Variants in ZNF28 observed in about 807,000 individuals in gnomAD.
ZNF28 encodes zinc finger protein KOX24.
A neutral mutation model predicts 7.2 loss-of-function variants in ZNF28; 5 were observed. The ratio of observed to expected loss-of-function variants is 0.70; its 90% CI spans 0.36 to 1.46. The LOEUF is 1.46. Among genes scored for constraint, ZNF28 ranks in the 40% most tolerant of loss-of-function variants. The pLI is 0.03. For missense variants in ZNF28, 879 were observed against 866.6 expected, an observed-to-expected ratio of 1.01 and a Z score of -0.18; for synonymous variants, 288 against 292.4, an observed-to-expected ratio of 0.99 and a Z score of 0.15.
chr19:52,807,439 G>C (rs755190432), intron 3 of ZNF28, among the ~76,000 whole-genome samples: 2 of 152,106 alleles, frequency 1.3e-5, no homozygotes, highest in Non-Finnish European at 2.9e-5. Context: ...AGCAAACAGG[G>C]AACTGGATAT....
chr19:52,805,834 G>A (rs11666498), intron 3 of ZNF28: 64,902 of 151,494 alleles, frequency 0.43, 15,789 homozygotes, highest in Non-Finnish European at 0.57. Context: ...TACAAAATTA[G>A]ATGGGTGTGG....
chr19:52,799,804 G>T lies in ZNF28; in HGVS notation c.2041C>A (p.His681Asn). The change falls in exon 4 of 4, where the codon CAT (histidine) becomes AAT (asparagine). Residue 681 changes from histidine to asparagine, a missense_variant. His to Asn is a moderately conservative substitution (Grantham distance 68). Coordinates refer to ENST00000457749, the MANE Select transcript of ZNF28 (RefSeq NM_006969.5). ...VFNQQAHLAQHQRVHTGEKPY... is the reference protein window; with the variant it reads ...VFNQQAHLAQNQRVHTGEKPY... Reference sequence around the variant, plus strand: ...TTCTCTCCAGTATGAACTCTCTGATGCTGTGCAAGGTGTGCTTGTTGATTA... The same window carrying T: ...TTCTCTCCAGTATGAACTCTCTGATTCTGTGCAAGGTGTGCTTGTTGATTA... 6.2e-7 allele frequency: 1 copy of T among 1,614,094 alleles called. No individual in the cohort carries two copies. Among genetic ancestry groups the T allele is most frequent in the Non-Finnish European group, 8.5e-7 (1 of 1,180,010 alleles).
chr19:52,799,983 G>T lies in ZNF28; in HGVS notation c.1862C>A (p.Ser621Ter), dbSNP rs781337692. The T allele has an allele frequency of 3.1e-6, 5 of 1,609,032 alleles. No homozygotes were observed. The highest frequency in any genetic ancestry group is 4.2e-6 in the Non-Finnish European group (5 of 1,178,472). The change falls in exon 4 of 4, where the codon TCG (serine) becomes TAG (stop). Residue 621 changes from serine (S) to a stop codon, truncating the protein, a stop_gained. Transcript: ENST00000457749. LOFTEE classifies it low-confidence loss of function (END_TRUNC). ...ECGKTFRQTS[S>*]LIIHRRLHTG... is the part of the protein sequence containing the mutation. ...ATGAAGCCTACGATGGATTATAAGC[G>T]ATGATGTCTGACGGAAGGTCTTGCC...
chr19:52,807,824 T>A (rs2062955393), intron 3 of ZNF28, 183 bp downstream of exon 3: 1 of 1,041,824 alleles, frequency 9.6e-7, no homozygotes, highest in South Asian at 1.6e-5. Context: ...CACTGAGCTA[T>A]CATGAAGAAT....
At chr19:52,810,754 G>GC in intron 2 of ZNF28, 2 of 533,230 alleles carry the variant, frequency 3.8e-6, no homozygotes, top group Non-Finnish European at 3.2e-6. Context: ...GGAAAGAAGG[G>GC]GAAAAAAAAA....
intron 3 of ZNF28, among the ~76,000 whole-genome samples, chr19:52,806,198 T>C (rs1020677397): frequency 2.6e-5 from 4 of 152,140 alleles, no homozygotes; most frequent in African/African-American, 9.7e-5. Context: ...ACAGAATTTT[T>C]TTTTTCTTCT....
Position 52,808,127 on chromosome 19 carries a change from A to G in ZNF28, c.22T>C (p.Leu8=), listed in dbSNP as rs777375686. 4 of 1,613,126 alleles carry G rather than the reference A, an allele frequency of 2.5e-6. No homozygotes were observed. The South Asian group carries it at 3.3e-5, about 13-fold the overall frequency. ...TCTATGGCCACGTCCCTGAATGTCA[A>G]TAGACCCTGAAATGGAAACACATTT... MALPQGL[L]TFRDVAIEFS... The change falls in exon 3 of 4, where the codon TTG becomes CTG. Residue 8 remains leucine, a synonymous_variant. Transcript: ENST00000457749.
At chr19:52,810,383 A>G in intron 2 of ZNF28, 3 of 1,605,102 alleles carry the variant, frequency 1.9e-6, no homozygotes, top group Non-Finnish European at 2.6e-6. Context: ...GCTGTGGTTC[A>G]GTCAACCACG....
chr19:52,806,296 T>C (rs1017635471), intron 3 of ZNF28, among the ~76,000 whole-genome samples: 3 of 152,062 alleles, frequency 2.0e-5, no homozygotes, highest in East Asian at 3.9e-4. Context: ...CAGATTCAAG[T>C]GGCTCTCCTG....
At chr19:52,811,015 G>C (rs943628867) in intron 2 of ZNF28, among the ~76,000 whole-genome samples, 104 of 142,314 alleles carry the variant, frequency 7.3e-4, no homozygotes, top group African/African-American at 2.1e-3. Context: ...TCAGCCTGCC[G>C]AGTGCCTGCG....
At chr19:52,811,825 G>T (rs1253646874) in intron 2 of ZNF28, among the ~76,000 whole-genome samples, 2 of 145,758 alleles carry the variant, frequency 1.4e-5, no homozygotes, top group Admixed American at 6.7e-5. Context: ...CCTCTGCCCG[G>T]CCGCCCCTAC....
intron 3 of ZNF28, among the ~76,000 whole-genome samples, chr19:52,804,983 G>C (rs867679521): frequency 7.9e-5 from 12 of 152,280 alleles, no homozygotes; most frequent in African/African-American, 2.9e-4. Context: ...AAAAACTTGA[G>C]ACAGGCCAGG....
rs543757279 is a variant in ZNF28 at position 52,818,056 on chromosome 19, A to G, written c.-73-25T>C. 1.4e-5 allele frequency: 22 copies of G among 1,574,436 alleles called. No individual in the cohort carries two copies. The African/African-American group carries it at 3.0e-4, about 21-fold the overall frequency. On this transcript the variant is annotated intron_variant, in intron 1 of 3. Transcript: ENST00000457749. The stretch of plus-strand genomic sequence containing the variant: ...CCTGAATGTTAAAAATATGTTGTTT[A>G]TTGCTCAGAATCAACACATCCCCTC...
chr19:52,818,534 G>A (rs1477448246), intron 1 of ZNF28, among the ~76,000 whole-genome samples: 2 of 122,328 alleles, frequency 1.6e-5, no homozygotes, highest in East Asian at 5.0e-4. Flanking sequence ...CCAACATGGT[G>A]AAACCCTGTC....
Position 52,800,087 on chromosome 19 carries a change from C to G in ZNF28, c.1758G>C (p.Lys586Asn). ...EKPYKCKVCDKAFRRDSHLAQ... is the reference protein window; with the variant it reads ...EKPYKCKVCDNAFRRDSHLAQ... ...CCAGGTGTGAATCCCTCCGGAAAGC[C>G]TTGTCACAAACCTTACATTTGTACG... is the stretch of plus-strand genomic sequence containing the variant. Residue 586 changes from lysine to asparagine, a missense_variant, in exon 4 of 4, where the codon AAG becomes AAC. Coordinates refer to ENST00000457749, the MANE Select transcript of ZNF28 (RefSeq NM_006969.5). 5 of 1,614,084 alleles carry G rather than the reference C, an allele frequency of 3.1e-6. No individual in the cohort carries two copies. Among genetic ancestry groups the G allele is most frequent in the Non-Finnish European group, 4.2e-6 (5 of 1,179,986 alleles).
intron 2 of ZNF28, among the ~76,000 whole-genome samples, chr19:52,811,720 G>C (rs1039418397): frequency 3.3e-5 from 5 of 149,934 alleles, no homozygotes; most frequent in African/African-American, 1.3e-4. Context: ...GGGAAGTGAG[G>C]AGCGTCTCCG....
At chr19:52,805,031 G>A (rs1401978379) in intron 3 of ZNF28, 1 of 152,168 alleles carries the variant, frequency 6.6e-6, no homozygotes, top group East Asian at 1.9e-4. Flanking sequence ...CATTTTGGGA[G>A]GCTGAGGTGG....
chr19:52,818,117 C>T, intron 1 of ZNF28, 86 bp from the exon 2 acceptor site: 1 of 1,333,864 alleles, frequency 7.5e-7, no homozygotes, highest in Non-Finnish European at 1.0e-6. Flanking sequence ...GGAGACTTCA[C>T]CTTGAGGAAA....
chr19:52,814,615 G>A (rs1375282857), intron 2 of ZNF28, among the ~76,000 whole-genome samples: 1 of 144,424 alleles, frequency 6.9e-6, no homozygotes. Flanking sequence ...AGCTGGGCGA[G>A]GTGGCTCACG....
Sources: gnomAD v4.1 joint callset for allele counts (sites outside exome capture counted in the v4.1 genomes callset) on GRCh38, gnomAD v4.1.1 for gene constraint, MANE v1.5 for transcripts, NCBI Gene and HGNC (gene_info 2026-07-23, HGNC 2026-07-21) for gene names.